Variants in SLC4A10 observed in about 807,000 individuals in gnomAD.
SLC4A10 encodes the protein sodium-driven chloride bicarbonate exchanger.
SLC4A10 carries 42 observed loss-of-function variants against 137.7 expected under a neutral mutation model. The ratio of observed to expected loss-of-function variants is 0.30; its 90% CI spans 0.24 to 0.39. The LOEUF is 0.39. Among genes scored for constraint, SLC4A10 ranks in the 10% least tolerant of loss-of-function variants. The probability of loss-of-function intolerance (pLI) is 1.00; values close to 1 mark genes in which losing one functional copy is unlikely to be tolerated. For synonymous variants in SLC4A10, 474 were observed against 464.1 expected (o/e 1.02, Z -0.27); for missense variants, 925 against 1,355.0 (o/e 0.68, Z 4.98).
At chr2:161,906,212 G>T (rs191485448) in intron 15 of SLC4A10, among the ~76,000 whole-genome samples, 1 of 152,070 alleles carries the variant, frequency 6.6e-6, no homozygotes, top group East Asian at 1.9e-4. Context: ...GTTATTTGGC[G>T]TTATTTCAGG....
intron 2 of SLC4A10, among the ~76,000 whole-genome samples, chr2:161,795,295 T>C (rs1205822109): frequency 3.3e-5 from 5 of 152,210 alleles, no homozygotes; most frequent in Non-Finnish European, 5.9e-5. Context: ...GCTTTTAATA[T>C]GCCAGGTACT....
At chr2:161,688,430 TA>T (rs2041660986) in intron 1 of SLC4A10, among the ~76,000 whole-genome samples, 1 of 152,196 alleles carries the variant, frequency 6.6e-6, no homozygotes, top group African/African-American at 2.4e-5. Context: ...AAATGGAGTC[TA>T]AATACATCTC....
chr2:161,684,887 A>T (rs2041222356), intron 1 of SLC4A10, among the ~76,000 whole-genome samples: 1 of 152,212 alleles, frequency 6.6e-6, no homozygotes, highest in Non-Finnish European at 1.5e-5. Flanking sequence ...GTATAGCCAG[A>T]AATAGGCAGT....
At chr2:161,748,257 T>C (rs1309986447) in intron 1 of SLC4A10, among the ~76,000 whole-genome samples, 1 of 152,148 alleles carries the variant, frequency 6.6e-6, no homozygotes, top group Non-Finnish European at 1.5e-5. Flanking sequence ...TCCTTTGCTG[T>C]GCAGAAACTT....
At chr2:161,629,415 T>C (rs1038725835) in intron 1 of SLC4A10, among the ~76,000 whole-genome samples, 2 of 151,688 alleles carry the variant, frequency 1.3e-5, no homozygotes, top group South Asian at 2.1e-4. Context: ...GGTCTTATTT[T>C]TGAGAGCGAT....
At chr2:161,681,459 T>A (rs1460693878) in intron 1 of SLC4A10, among the ~76,000 whole-genome samples, 3 of 152,174 alleles carry the variant, frequency 2.0e-5, no homozygotes, top group Non-Finnish European at 4.4e-5. Context: ...TTCTGAATTT[T>A]AATTCAGTAT....
chr2:161,783,080 A>C (rs1370462703), intron 2 of SLC4A10, among the ~76,000 whole-genome samples: 2 of 152,024 alleles, frequency 1.3e-5, no homozygotes, highest in Non-Finnish European at 2.9e-5. Flanking sequence ...AAAAGCAACA[A>C]GGGAAAAGTT....
At chr2:161,696,617 T>C (rs1004221469) in intron 1 of SLC4A10, among the ~76,000 whole-genome samples, 25 of 150,462 alleles carry the variant, frequency 1.7e-4, no homozygotes, top group Non-Finnish European at 2.7e-4. Context: ...CATCCATGTC[T>C]CTACAAAGGA....
chr2:161,631,825 C>T (rs1283461932), intron 1 of SLC4A10, among the ~76,000 whole-genome samples: 2 of 151,562 alleles, frequency 1.3e-5, no homozygotes, highest in Non-Finnish European at 3.0e-5. Flanking sequence ...GAGAGGTGCT[C>T]TCAGAAGATG....
At chr2:161,821,308 T>C (rs1238566057) in intron 3 of SLC4A10, among the ~76,000 whole-genome samples, 1 of 152,220 alleles carries the variant, frequency 6.6e-6, no homozygotes, top group Non-Finnish European at 1.5e-5. Flanking sequence ...AGGCAAATTT[T>C]TCTATGTTAT....
intron 3 of SLC4A10, among the ~76,000 whole-genome samples, chr2:161,836,581 AAAGAAAGAAAGAAAGAAAGG>A (rs754853550): frequency 0.086 from 10,452 of 121,058 alleles, 1,006 homozygotes; most frequent in Middle Eastern, 0.11. Context: ...AGAAAGAAAG[AAAGAAAGAAAGAAAGAAAGG>A]AAGGAAGGAA....
chr2:161,947,858 A>C (rs919346492), intron 17 of SLC4A10, 131 bp downstream of exon 17: 22 of 993,570 alleles, frequency 2.2e-5, no homozygotes, highest in Non-Finnish European at 3.2e-5. Context: ...GAGTGAGATG[A>C]GGGGCTGAAG....
At chr2:161,770,293 G>A (rs1173739108) in intron 1 of SLC4A10, among the ~76,000 whole-genome samples, 2 of 151,790 alleles carry the variant, frequency 1.3e-5, no homozygotes, top group East Asian at 3.9e-4. Flanking sequence ...TATTTTTTGA[G>A]TACCAAATTA....
chr2:161,631,901 G>C (rs1314811015), intron 1 of SLC4A10, among the ~76,000 whole-genome samples: 2 of 151,628 alleles, frequency 1.3e-5, no homozygotes, highest in Admixed American at 1.3e-4. Flanking sequence ...AAAGACTCTT[G>C]ATATAGTTTT....
chr2:161,981,222 T>C (rs1397538860), intron 26 of SLC4A10, among the ~76,000 whole-genome samples: 1 of 152,256 alleles, frequency 6.6e-6, no homozygotes, highest in East Asian at 1.9e-4. Flanking sequence ...TATCAAAAGG[T>C]TATGGAACAC....
chr2:161,889,000 G>A (rs766780138), intron 10 of SLC4A10, among the ~76,000 whole-genome samples: 3 of 152,162 alleles, frequency 2.0e-5, no homozygotes, highest in Non-Finnish European at 4.4e-5. Flanking sequence ...AGGAAAGGGT[G>A]TTGAATTTTA....
At chr2:161,663,003 C>G (rs1466646632) in intron 1 of SLC4A10, among the ~76,000 whole-genome samples, 1 of 152,144 alleles carries the variant, frequency 6.6e-6, no homozygotes, top group Non-Finnish European at 1.5e-5. Flanking sequence ...TTGTCCACCC[C>G]CCTTCCCCCA....
intron 21 of SLC4A10, 146 bp downstream of exon 21, chr2:161,958,701 A>G (rs1390746414): frequency 3.5e-6 from 2 of 566,608 alleles, no homozygotes; most frequent in African/African-American, 1.9e-5. Flanking sequence ...TCAGAGTTAC[A>G]AAAGTTAAAG....
At position 161,977,773 on chromosome 2, in the gene SLC4A10, C is replaced by G. The variant is rs1156833657; in HGVS notation, c.*26+13C>G. On this transcript the variant is annotated intron_variant, in intron 26 of 26. Transcript: ENST00000446997. ...TGATTCCCCAAAGGTAAGACCCTCT[C>G]CCTCAAATCTATTCCTTGGTTGCAT... 2 of 1,577,196 alleles carry G rather than the reference C, an allele frequency of 1.3e-6. No homozygotes were observed. The highest frequency in any genetic ancestry group is 1.7e-6 in the Non-Finnish European group (2 of 1,166,146).
Sources: allele counts gnomAD v4.1 joint callset (sites outside exome capture counted in the v4.1 genomes callset), GRCh38; gene constraint gnomAD v4.1.1; transcripts MANE v1.5; gene names NCBI Gene and HGNC (gene_info 2026-07-23, HGNC 2026-07-21).